The following FARS2 variants were observed in gnomAD, a reference collection of about 807,000 sequenced individuals.
FARS2 encodes phenylalanyl-tRNA synthetase 2, mitochondrial, also known as phenylalanine--tRNA ligase, mitochondrial.
Under a neutral mutation model 46.4 loss-of-function variants are expected in FARS2, and 40 were observed. That is an observed-to-expected ratio of 0.86 (90% CI 0.67 to 1.12). The LOEUF (loss-of-function observed/expected upper bound fraction) is 1.12. Ranked by LOEUF, FARS2 falls within the 50% of genes most tolerant of loss-of-function variation. The pLI is 0.00. For synonymous variants in FARS2, 234 were observed against 214.9 expected (o/e 1.09, Z -0.78); for missense variants, 513 against 567.9 (o/e 0.90, Z 0.98).
At chr6:5,593,302 A>T (rs2013292) in intron 5 of FARS2, among the ~76,000 whole-genome samples, 15 of 144,794 alleles carry the variant, frequency 1.0e-4, no homozygotes, top group Non-Finnish European at 1.8e-4. Context: ...TCCCGCCCCC[A>T]CCGGCCTCTG....
intron 5 of FARS2, among the ~76,000 whole-genome samples, chr6:5,549,263 T>C (rs560907647): frequency 1.1e-4 from 16 of 152,168 alleles, no homozygotes; most frequent in Admixed American, 5.2e-4. Context: ...ACATGTGCCA[T>C]GTTGGTTTGC....
At chr6:5,469,715 A>G (rs1765707398) in intron 4 of FARS2, among the ~76,000 whole-genome samples, 1 of 152,220 alleles carries the variant, frequency 6.6e-6, no homozygotes, top group African/African-American at 2.4e-5. Flanking sequence ...TTCTAAAAAG[A>G]TAAGGTTTGG....
chr6:5,318,397 A>ACAAC (rs1554162438), intron 1 of FARS2, among the ~76,000 whole-genome samples: 1 of 145,094 alleles, frequency 6.9e-6, no homozygotes, highest in Non-Finnish European at 1.5e-5. Flanking sequence ...CAAAAAAAAA[A>ACAAC]AAAAAAAAAA....
intron 4 of FARS2, among the ~76,000 whole-genome samples, chr6:5,517,823 G>A (rs79316116): frequency 0.018 from 2,747 of 152,072 alleles, 67 homozygotes; most frequent in African/African-American, 0.063. Flanking sequence ...TTTAAATGTA[G>A]CTAGAACATT....
At chr6:5,375,508 C>T (rs556372992) in intron 2 of FARS2, among the ~76,000 whole-genome samples, 6 of 152,032 alleles carry the variant, frequency 3.9e-5, no homozygotes, top group African/African-American at 9.6e-5. Flanking sequence ...ACAAATCCAG[C>T]GCAAATCCAA....
intron 2 of FARS2, among the ~76,000 whole-genome samples, chr6:5,390,497 A>G (rs920667560): frequency 6.6e-6 from 1 of 152,178 alleles, no homozygotes; most frequent in Non-Finnish European, 1.5e-5. Context: ...GTTTTCTATG[A>G]CACATCATCT....
chr6:5,654,208 T>C (rs1777502046), intron 6 of FARS2, among the ~76,000 whole-genome samples: 1 of 152,144 alleles, frequency 6.6e-6, no homozygotes, highest in African/African-American at 2.4e-5. Context: ...AGCCGGGTCA[T>C]AGGTCAGTGT....
intron 4 of FARS2, among the ~76,000 whole-genome samples, chr6:5,504,942 A>AT: frequency 6.6e-6 from 1 of 152,168 alleles, no homozygotes. Context: ...AGCTGGGACC[A>AT]CAGATGCAAG....
At chr6:5,387,822 G>A (rs1476559303) in intron 2 of FARS2, among the ~76,000 whole-genome samples, 1 of 152,136 alleles carries the variant, frequency 6.6e-6, no homozygotes, top group African/African-American at 2.4e-5. Context: ...TGTTGTTCCT[G>A]GAGCTGCAAT....
In FARS2 at chr6:5,671,143, A is replaced by G. The variant is rs567383268; in HGVS notation, c.1217+57823A>G. 2.6e-5 allele frequency among the ~76,000 whole-genome samples: 4 copies of G among 152,360 alleles called. No individual in the cohort carries two copies. The East Asian group carries it at 5.8e-4, about 22-fold the overall frequency. On this transcript the variant is annotated intron_variant, in intron 6 of 6. Transcript: ENST00000274680. Reference sequence around the variant, plus strand: ...ACCCTGAGGTGGCTGTTGGAGTTAAATATAATTCATTTGCAGCATGTTTAT... The same window carrying G: ...ACCCTGAGGTGGCTGTTGGAGTTAAGTATAATTCATTTGCAGCATGTTTAT...
chr6:5,531,249 C>G (rs554039950), intron 4 of FARS2, among the ~76,000 whole-genome samples: 2 of 152,192 alleles, frequency 1.3e-5, no homozygotes, highest in Non-Finnish European at 2.9e-5. Context: ...GAGTCAAGCC[C>G]CTGCAGGGGG....
At chr6:5,325,460 G>A (rs1201607022) in intron 1 of FARS2, among the ~76,000 whole-genome samples, 1 of 152,228 alleles carries the variant, frequency 6.6e-6, no homozygotes, top group Non-Finnish European at 1.5e-5. Flanking sequence ...GCCTGTCTGT[G>A]CAGGGGCTGG....
At chr6:5,276,710 A>T (rs188762596) in intron 1 of FARS2, among the ~76,000 whole-genome samples, 1 of 152,278 alleles carries the variant, frequency 6.6e-6, no homozygotes, top group African/African-American at 2.4e-5. Context: ...TTCCCTGGGC[A>T]GTAGGAGACT....
chr6:5,753,358 C>T (rs1364498135), intron 6 of FARS2, among the ~76,000 whole-genome samples: 1 of 152,136 alleles, frequency 6.6e-6, no homozygotes, highest in African/African-American at 2.4e-5. Flanking sequence ...ACCTCTGTTC[C>T]AGCTATAGAG....
At chr6:5,413,380 A>G (rs766947727) in intron 3 of FARS2, among the ~76,000 whole-genome samples, 1 of 147,824 alleles carries the variant, frequency 6.8e-6, no homozygotes, top group Non-Finnish European at 1.5e-5. Flanking sequence ...GGGCTGCTGT[A>G]ATGAAAACCA....
chr6:5,703,134 T>C (rs1447642196), intron 6 of FARS2, among the ~76,000 whole-genome samples: 1 of 152,206 alleles, frequency 6.6e-6, no homozygotes, highest in Non-Finnish European at 1.5e-5. Flanking sequence ...CAAAAGCAAA[T>C]ATAGCTGCCA....
chr6:5,314,128 TA>T (rs1769279171), intron 1 of FARS2, among the ~76,000 whole-genome samples: 2 of 152,176 alleles, frequency 1.3e-5, no homozygotes, highest in Admixed American at 1.3e-4. Context: ...TTCTGTAAAT[TA>T]GAAAGATCAT....
chr6:5,751,211 G>A (rs1161557559), intron 6 of FARS2, among the ~76,000 whole-genome samples: 1 of 152,132 alleles, frequency 6.6e-6, no homozygotes, highest in Non-Finnish European at 1.5e-5. Context: ...CAATTTGTCA[G>A]TCTTGGAAGG....
chr6:5,486,945 C>T (rs1766809491), intron 4 of FARS2, among the ~76,000 whole-genome samples: 1 of 152,296 alleles, frequency 6.6e-6, no homozygotes, highest in African/African-American at 2.4e-5. Flanking sequence ...GATTTACCTA[C>T]TCATTCATCA....
Sources: gnomAD v4.1 joint callset for allele counts (sites outside exome capture counted in the v4.1 genomes callset) on GRCh38, gnomAD v4.1.1 for gene constraint, MANE v1.5 for transcripts, NCBI Gene and HGNC (gene_info 2026-07-23, HGNC 2026-07-21) for gene names.